Variants in FTCDNL1 observed in about 807,000 individuals in gnomAD.
FTCDNL1 encodes formiminotransferase N-terminal subdomain-containing protein.
FTCDNL1 carries 11 observed loss-of-function variants against 5.9 expected under a neutral mutation model. That is an observed-to-expected ratio of 1.87 (90% confidence interval 1.18 to 3.10). FTCDNL1 has a LOEUF of 3.10. Among genes scored for constraint, FTCDNL1 ranks in the 30% most tolerant of loss-of-function variants. The pLI is 0.00. For missense variants in FTCDNL1, 115 were observed against 65.5 expected, an observed-to-expected ratio of 1.76 and a Z score of -2.61; for synonymous variants, 58 against 24.8, an observed-to-expected ratio of 2.34 and a Z score of -3.99.
At chr2:199,747,026 AACACACACACACACAC>A in the FTCDNL1 span, among the ~76,000 whole-genome samples, 14 of 145,926 alleles carry the variant, frequency 9.6e-5, no homozygotes, top group East Asian at 4.1e-4. Context: ...GTTTATTTAA[AACACACACACACACAC>A]ACACACACAC....
intron 1 of FTCDNL1, among the ~76,000 whole-genome samples, chr2:199,849,714 C>T (rs2076825261): frequency 6.6e-6 from 1 of 152,112 alleles, no homozygotes; most frequent in Admixed American, 6.5e-5. Context: ...GCATTTTTGA[C>T]ACATCTTTCC....
the FTCDNL1 span, among the ~76,000 whole-genome samples, chr2:199,668,807 C>T: frequency 6.6e-6 from 1 of 152,042 alleles, no homozygotes; most frequent in Admixed American, 6.6e-5. Context: ...AGAGAAACAG[C>T]TGTGGAAGAA....
At chr2:199,790,656 T>G (rs1181990420) in intron 3 of FTCDNL1, among the ~76,000 whole-genome samples, 1 of 152,144 alleles carries the variant, frequency 6.6e-6, no homozygotes, top group African/African-American at 2.4e-5. Context: ...ATAAATACTT[T>G]TTTTTGACAA....
chr2:199,799,223 T>A (rs2106393911), intron 3 of FTCDNL1, among the ~76,000 whole-genome samples: 1 of 152,326 alleles, frequency 6.6e-6, no homozygotes, highest in East Asian at 1.9e-4. Flanking sequence ...AACTTGGCAA[T>A]CGTAAAGCTG....
chr2:199,694,921 G>A, the FTCDNL1 span, among the ~76,000 whole-genome samples: 5 of 152,172 alleles, frequency 3.3e-5, no homozygotes, highest in Admixed American at 2.6e-4. Flanking sequence ...GCTGCAACTT[G>A]GCCAGACGAG....
intron 4 of FTCDNL1, chr2:199,818,526 G>A (rs1701490156): frequency 6.6e-6 from 1 of 151,984 alleles, no homozygotes; most frequent in South Asian, 2.1e-4. Context: ...AGCATAATGA[G>A]ACCAAGGAAC....
chr2:199,768,684 G>C (rs1367707723), intron 3 of FTCDNL1, among the ~76,000 whole-genome samples: 2 of 152,174 alleles, frequency 1.3e-5, no homozygotes, highest in Non-Finnish European at 1.5e-5. Flanking sequence ...GAGAAGGCAA[G>C]TTCTAGATGG....
the FTCDNL1 span, among the ~76,000 whole-genome samples, chr2:199,686,214 T>C: frequency 6.1e-5 from 4 of 65,988 alleles, no homozygotes; most frequent in Admixed American, 3.9e-4. Context: ...GGTAGTCACA[T>C]TTATTTTTGT....
the FTCDNL1 span, among the ~76,000 whole-genome samples, chr2:199,707,597 T>A: frequency 3.3e-3 from 509 of 152,140 alleles, 3 homozygotes; most frequent in African/African-American, 0.012. Context: ...CTCCATTTGG[T>A]AAAGTTTTCT....
At chr2:199,778,976 G>A (rs1699225445) in intron 3 of FTCDNL1, among the ~76,000 whole-genome samples, 1 of 152,146 alleles carries the variant, frequency 6.6e-6, no homozygotes, top group Admixed American at 6.5e-5. Flanking sequence ...TTTTGGTAAG[G>A]AGGAACACTC....
chr2:199,809,715 G>A lies in FTCDNL1; in HGVS notation c.*2990C>T, dbSNP rs1449311504. On this transcript the variant is annotated 3_prime_UTR_variant, in exon 5 of 5. Transcript: ENST00000420128. ...TTCCATCTGAATTCCAAAAGAATAA[G>A]TACTTCCTTGAAGTCATGCCCAACA... is the stretch of plus-strand genomic sequence containing the variant. Among the ~76,000 whole-genome samples, 1 of 152,104 alleles carries A rather than the reference G, an allele frequency of 6.6e-6. No homozygotes were observed. Among genetic ancestry groups the A allele is most frequent in the Non-Finnish European group, 1.5e-5 (1 of 68,016 alleles).
chr2:199,828,716 TGA>T (rs1299397031), intron 3 of FTCDNL1, among the ~76,000 whole-genome samples: 5 of 152,228 alleles, frequency 3.3e-5, no homozygotes, highest in Non-Finnish European at 7.3e-5. Flanking sequence ...TTTTCCATTC[TGA>T]GTTTCAAAAT....
the FTCDNL1 span, among the ~76,000 whole-genome samples, chr2:199,708,477 T>C: frequency 6.6e-6 from 1 of 152,174 alleles, no homozygotes; most frequent in Non-Finnish European, 1.5e-5. Context: ...GTGGATTTTA[T>C]CTTGTTTAGT....
chr2:199,817,335 T>C (rs1223838784), intron 4 of FTCDNL1, among the ~76,000 whole-genome samples: 3 of 152,268 alleles, frequency 2.0e-5, no homozygotes, highest in Non-Finnish European at 4.4e-5. Context: ...TAAATGTCTC[T>C]AACTACATCT....
intron 4 of FTCDNL1, among the ~76,000 whole-genome samples, chr2:199,813,912 C>CAAAAAAAAAAAAA (rs397987315): frequency 9.4e-6 from 1 of 106,384 alleles, no homozygotes; most frequent in Non-Finnish European, 1.9e-5. Context: ...GACTCTGTCT[C>CAAAAAAAAAAAAA]AAAAAAAAAA....
At chr2:199,672,277 A>G in the FTCDNL1 span, among the ~76,000 whole-genome samples, 2 of 152,214 alleles carry the variant, frequency 1.3e-5, no homozygotes, top group Non-Finnish European at 1.5e-5. Context: ...AACTGACATG[A>G]GAGGGTCTTT....
intron 3 of FTCDNL1, among the ~76,000 whole-genome samples, chr2:199,787,416 T>G (rs577596098): frequency 6.6e-6 from 1 of 152,246 alleles, no homozygotes; most frequent in African/African-American, 2.4e-5. Context: ...ACTCCTGGGC[T>G]CAAGTAATCC....
At chr2:199,783,902 T>C (rs747807616) in intron 3 of FTCDNL1, among the ~76,000 whole-genome samples, 2 of 152,056 alleles carry the variant, frequency 1.3e-5, no homozygotes, top group Admixed American at 1.3e-4. Context: ...AATGCTAGCT[T>C]TTGATGGGGA....
At chr2:199,849,030 C>T in intron 1 of FTCDNL1, 61 bp from the exon 2 acceptor site, 1 of 661,878 alleles carries the variant, frequency 1.5e-6, no homozygotes, top group South Asian at 1.7e-5. Flanking sequence ...CATGTTTTAA[C>T]TATAAAAAAA....
Sources: allele counts gnomAD v4.1 joint callset (sites outside exome capture counted in the v4.1 genomes callset), GRCh38; gene constraint gnomAD v4.1.1; transcripts MANE v1.5; gene names NCBI Gene and HGNC (gene_info 2026-07-23, HGNC 2026-07-21).